Variants in PROSER1 observed in about 807,000 individuals in gnomAD.
PROSER1 encodes proline and serine rich 1, also known as proline and serine-rich protein 1.
In PROSER1, 36 loss-of-function variants were observed where a neutral mutation model predicts 71.8. That is an observed-to-expected ratio of 0.50 (90% CI 0.38 to 0.66). The LOEUF (loss-of-function observed/expected upper bound fraction) is 0.66. Ranked by LOEUF, PROSER1 falls within the 30% of genes least tolerant of loss-of-function variation. The probability of loss-of-function intolerance (pLI) is 0.00; values close to 1 mark genes in which losing one functional copy is unlikely to be tolerated. For missense variants in PROSER1, 1,107 were observed against 1,135.0 expected (o/e 0.98, Z 0.35); for synonymous variants, 490 against 452.4 (o/e 1.08, Z -1.06).
chr13:39,016,364 A>C (rs1260407540), intron 10 of PROSER1, among the ~76,000 whole-genome samples: 1 of 152,204 alleles, frequency 6.6e-6, no homozygotes. Flanking sequence ...TGACTAAGCA[A>C]CTGGATAAAA....
Position 39,011,069 on chromosome 13 carries a change from AAT to A in PROSER1, c.*294_*295del, listed in dbSNP as rs1869620927. 1 of 273,746 alleles carries A rather than the reference AAT, an allele frequency of 3.7e-6. No homozygotes were observed. Among genetic ancestry groups the A allele is most frequent in the African/African-American group, 2.3e-5 (1 of 44,196 alleles). 17.0% of individuals were successfully genotyped at this position (273,746 alleles called of 1,614,324 possible). A position where few individuals can be genotyped will look rare whatever the true frequency, so the allele number is the denominator to read the frequency against. ...CTATAAAGAGTTCAACCTACTCTTT[AAT>A]ATTCTTTCTATGTAGATCACATACA... On this transcript the variant is annotated 3_prime_UTR_variant, in exon 13 of 13. Coordinates refer to ENST00000352251, the MANE Select transcript of PROSER1 (RefSeq NM_025138.5).
chr13:39,029,247 TAAAAAAAAA>T (rs34146778), intron 4 of PROSER1, 25 bp downstream of exon 4: 150 of 743,134 alleles, frequency 2.0e-4, no homozygotes, highest in Middle Eastern at 3.8e-4. Context: ...TTTTCCCAAG[TAAAAAAAAA>T]AAAAAAAAAA....
Position 39,024,528 on chromosome 13 carries a change from T to C in PROSER1, c.509A>G (p.Glu170Gly). 2 of 1,606,868 alleles carry C rather than the reference T, an allele frequency of 1.2e-6. No individual in the cohort carries two copies. Among genetic ancestry groups the C allele is most frequent in the Non-Finnish European group, 1.7e-6 (2 of 1,176,466 alleles). Residue 170 changes from glutamate to glycine, a missense_variant, in exon 7 of 13, where the codon GAA (glutamate) becomes GGA (glycine). Glu to Gly is a moderately conservative substitution (Grantham distance 98). Coordinates refer to ENST00000352251, the MANE Select transcript of PROSER1 (RefSeq NM_025138.5). ...PGTPLKKDGE[E>G]CTNEGKGIAA... is the part of the protein sequence containing the mutation. ...TATTCCTTTGCCTTCGTTAGTACATTCTTCACCATCTTTTTTCAAAGGAGT... is the reference window on the plus strand; with the variant it reads ...TATTCCTTTGCCTTCGTTAGTACATCCTTCACCATCTTTTTTCAAAGGAGT...
chr13:39,027,163 A>C (rs886950325), intron 5 of PROSER1, among the ~76,000 whole-genome samples: 3 of 151,892 alleles, frequency 2.0e-5, no homozygotes, highest in Admixed American at 6.6e-5. Context: ...TCCCTTCACA[A>C]CACATATATG....
intron 9 of PROSER1, among the ~76,000 whole-genome samples, 195 bp downstream of exon 9, chr13:39,022,131 T>C (rs1870320199): frequency 6.6e-6 from 1 of 152,208 alleles, no homozygotes; most frequent in South Asian, 2.1e-4. Flanking sequence ...TGTTAGCCTA[T>C]ATTACAAATA....
intron 9 of PROSER1, among the ~76,000 whole-genome samples, chr13:39,020,149 G>A (rs1271917046): frequency 6.7e-6 from 1 of 149,750 alleles, no homozygotes; most frequent in Non-Finnish European, 1.5e-5. Context: ...ATTTATAATT[G>A]CAACCAAAAA....
Position 39,031,550 on chromosome 13 carries a change from A to T in PROSER1, c.180+13T>A. ...TAAATTCTACGTTCTGAAGGAAAAA[A>T]TAAGTTACTTACATGCTGTAATGCT... is the stretch of plus-strand genomic sequence containing the variant. On this transcript the variant is annotated intron_variant, in intron 3 of 12. Transcript: ENST00000352251. 1.3e-6 allele frequency: 2 copies of T among 1,579,656 alleles called. No homozygotes were observed. The highest frequency in any genetic ancestry group is 1.7e-6 in the Non-Finnish European group (2 of 1,157,958).
intron 4 of PROSER1, 189 bp downstream of exon 4, chr13:39,029,092 A>C: frequency 2.5e-6 from 1 of 393,856 alleles, no homozygotes; most frequent in Non-Finnish European, 4.5e-6. Flanking sequence ...AAGCCCCTTC[A>C]TTTTATAAGT....
At chr13:39,014,607 T>G in intron 10 of PROSER1, 131 bp from the exon 11 acceptor site, 6 of 683,540 alleles carry the variant, frequency 8.8e-6, no homozygotes, top group Non-Finnish European at 9.6e-6. Context: ...TAACAGGCTC[T>G]TGTAATATCT....
intron 1 of PROSER1, among the ~76,000 whole-genome samples, chr13:39,035,908 C>T (rs992684293): frequency 6.6e-6 from 1 of 152,194 alleles, no homozygotes; most frequent in African/African-American, 2.4e-5. Flanking sequence ...ATTTTAACTG[C>T]TGACCAGAAA....
At chr13:39,021,223 G>T (rs1334934268) in intron 9 of PROSER1, among the ~76,000 whole-genome samples, 3 of 152,110 alleles carry the variant, frequency 2.0e-5, no homozygotes, top group Non-Finnish European at 4.4e-5. Flanking sequence ...TAATCTGCAT[G>T]TGATAAACTG....
chr13:39,017,480 G>T lies in PROSER1; in HGVS notation c.775+20C>A. ...ACCATGACAGATATCCGTTATCTCT[G>T]GATCAAATTTGCTACTTACTTTGAT... is the stretch of plus-strand genomic sequence containing the variant. On this transcript the variant is annotated intron_variant, in intron 10 of 12. Coordinates refer to ENST00000352251, the MANE Select transcript of PROSER1 (RefSeq NM_025138.5). 1 of 1,475,498 alleles carries T rather than the reference G, an allele frequency of 6.8e-7. No homozygotes were observed. The highest frequency in any genetic ancestry group is 9.4e-7 in the Non-Finnish European group (1 of 1,063,968). 91.4% of individuals were successfully genotyped at this position (1,475,498 alleles called of 1,614,324 possible).
chr13:39,021,440 T>C (rs1870285646), intron 9 of PROSER1, among the ~76,000 whole-genome samples: 1 of 152,112 alleles, frequency 6.6e-6, no homozygotes, highest in East Asian at 1.9e-4. Flanking sequence ...AAGTTGATAC[T>C]TTGATCTCTC....
intron 6 of PROSER1, among the ~76,000 whole-genome samples, 200 bp from the exon 7 acceptor site, chr13:39,024,756 A>T (rs1870466761): frequency 6.6e-6 from 1 of 152,138 alleles, no homozygotes; most frequent in African/African-American, 2.4e-5. Context: ...TGGAACTCTC[A>T]TATCACATGC....
In PROSER1 at chr13:39,013,980, T is replaced by C. The variant is rs184592489; in HGVS notation, c.1272A>G (p.Ser424=). Residue 424 remains serine (S), a synonymous_variant, in exon 11 of 13, where the codon TCA becomes TCG. Coordinates refer to ENST00000352251, the MANE Select transcript of PROSER1 (RefSeq NM_025138.5). ...GGAGCCCTGCAAAAACTGATGACAA[T>C]GAAGCAGAATTTGGGTTGCTGGTAG... ...AASTSNPNSA[S]LSSVFAGLPL... 6.2e-7 allele frequency: 1 copy of C among 1,613,868 alleles called. No homozygotes were observed. The highest frequency in any genetic ancestry group is 8.5e-7 in the Non-Finnish European group (1 of 1,179,998).
chr13:39,012,366 G>T, intron 11 of PROSER1, 133 bp from the exon 12 acceptor site: 1 of 994,194 alleles, frequency 1.0e-6, no homozygotes, highest in Non-Finnish European at 1.5e-6. Context: ...CTGTTGGAAG[G>T]ACCATAAAAA....
intron 8 of PROSER1, 51 bp downstream of exon 8, chr13:39,023,001 T>C (rs930089518): frequency 2.0e-5 from 29 of 1,473,366 alleles, no homozygotes; most frequent in Non-Finnish European, 2.7e-5. Flanking sequence ...TTCAATTTAA[T>C]AAATAAACAG....
At chr13:39,035,716 T>C (rs79653748) in intron 1 of PROSER1, among the ~76,000 whole-genome samples, 1,698 of 152,260 alleles carry the variant, frequency 0.011, 35 homozygotes, top group African/African-American at 0.039. Context: ...TTATCTATCA[T>C]ATAAACTCAC....
At chr13:39,014,518 C>T in intron 10 of PROSER1, 42 bp from the exon 11 acceptor site, 1 of 1,406,630 alleles carries the variant, frequency 7.1e-7, no homozygotes, top group Non-Finnish European at 9.7e-7. Context: ...TATCATCATG[C>T]TGAAACGTCA....
Sources: gnomAD v4.1 joint callset for allele counts (sites outside exome capture counted in the v4.1 genomes callset) on GRCh38, gnomAD v4.1.1 for gene constraint, MANE v1.5 for transcripts, NCBI Gene and HGNC (gene_info 2026-07-23, HGNC 2026-07-21) for gene names.